ABCB7: variants seen among roughly 807,000 people sequenced by gnomAD.
ABCB7 encodes the protein ATP binding cassette subfamily B member 7.
ABCB7 carries 7 observed loss-of-function variants against 54.4 expected under a neutral mutation model. That is an observed-to-expected ratio of 0.13 (90% confidence interval 0.07 to 0.24). The LOEUF (loss-of-function observed/expected upper bound fraction) is 0.24, where lower values mean the gene tolerates loss of function less well. ABCB7 is among the 10% of genes least tolerant of loss of function. ABCB7 has a pLI of 1.00. For synonymous variants in ABCB7, 218 were observed against 207.1 expected, an observed-to-expected ratio of 1.05 and a Z score of -0.45; for missense variants, 356 against 570.4, an observed-to-expected ratio of 0.62 and a Z score of 3.83.
chrX:75,111,361 C>T (rs1305962833), intron 3 of ABCB7, among the ~76,000 whole-genome samples: 1 of 111,949 alleles, frequency 8.9e-6, no homozygotes, highest in Non-Finnish European at 1.9e-5. Context: ...ACAACAGCAG[C>T]TAAAATTTAT....
At chrX:75,063,362 C>A (rs2147453463) in intron 13 of ABCB7, among the ~76,000 whole-genome samples, 1 of 110,763 alleles carries the variant, frequency 9.0e-6, no homozygotes, top group East Asian at 2.8e-4. Context: ...TTATACATTA[C>A]CAATATCTGA....
chrX:75,067,366 T>A (rs1461867907), intron 12 of ABCB7, among the ~76,000 whole-genome samples: 2 of 112,337 alleles, frequency 1.8e-5, no homozygotes, highest in African/African-American at 6.5e-5. Context: ...ATTGTTACAA[T>A]GCCCAAAAGA....
intron 1 of ABCB7, among the ~76,000 whole-genome samples, chrX:75,145,587 T>C (rs1473706809): frequency 9.0e-6 from 1 of 111,684 alleles, no homozygotes; most frequent in Non-Finnish European, 1.9e-5. Context: ...CCTCAAAATA[T>C]GAAGAGCCGT....
Position 75,114,810 on chromosome X carries a change from T to C in ABCB7, c.190A>G (p.Ile64Val). The change falls in exon 2 of 16, where the codon ATC (isoleucine) becomes GTC (valine). Residue 64 changes from isoleucine (I) to valine (V), a missense_variant. Transcript: ENST00000373394. ...CCTTTTCCCAATCTCTGCCATGTGATACTTTTTAATGACTCTGGAATCTGC... is the reference window on the plus strand; with the variant it reads ...CCTTTTCCCAATCTCTGCCATGTGACACTTTTTAATGACTCTGGAATCTGC... ...AYQIPESLKS[I>V]TWQRLGKGNS... 1 of 1,200,208 alleles carries C rather than the reference T, an allele frequency of 8.3e-7. No individual in the cohort carries two copies. The highest frequency in any genetic ancestry group is 1.1e-6 in the Non-Finnish European group (1 of 887,833).
intron 1 of ABCB7, among the ~76,000 whole-genome samples, chrX:75,116,466 C>T (rs917115493): frequency 1.8e-5 from 2 of 111,273 alleles, no homozygotes; most frequent in African/African-American, 6.5e-5. Flanking sequence ...CTTTAGTTTG[C>T]AACTCCAATC....
intron 3 of ABCB7, among the ~76,000 whole-genome samples, chrX:75,104,712 T>C (rs1199056070): frequency 4.5e-5 from 5 of 110,912 alleles, no homozygotes; most frequent in Non-Finnish European, 9.5e-5. Context: ...AGCATTACCC[T>C]AAAACCAAAA....
intron 3 of ABCB7, 136 bp downstream of exon 3, chrX:75,112,750 G>GTT (rs4148838): frequency 0.054 from 17,525 of 324,621 alleles, no homozygotes; most frequent in East Asian, 0.067. Flanking sequence ...CAATTAATAT[G>GTT]TTTTTTTTTT....
At chrX:75,061,757 TA>T (rs1433762985) in intron 14 of ABCB7, among the ~76,000 whole-genome samples, 1 of 112,335 alleles carries the variant, frequency 8.9e-6, no homozygotes, top group Non-Finnish European at 1.9e-5. Flanking sequence ...AAGATGTTGC[TA>T]TAAAATCTAA....
intron 1 of ABCB7, among the ~76,000 whole-genome samples, chrX:75,128,499 C>T (rs1298342683): frequency 8.9e-6 from 1 of 111,780 alleles, no homozygotes; most frequent in Non-Finnish European, 1.9e-5. Flanking sequence ...GAAATCCCTA[C>T]AAGAAAACCT....
intron 1 of ABCB7, among the ~76,000 whole-genome samples, chrX:75,122,686 C>A (rs2081890182): frequency 8.9e-6 from 1 of 112,265 alleles, no homozygotes; most frequent in Non-Finnish European, 1.9e-5. Flanking sequence ...CACTTGTTAT[C>A]TCTTATCTTT....
chrX:75,055,209 C>T (rs1323408007), intron 15 of ABCB7, among the ~76,000 whole-genome samples: 1 of 110,659 alleles, frequency 9.0e-6, no homozygotes, highest in Non-Finnish European at 1.9e-5. Context: ...TATGCTTCTC[C>T]TAGTTTGGCA....
chrX:75,089,917 T>C (rs933350410), intron 4 of ABCB7, among the ~76,000 whole-genome samples: 4 of 110,586 alleles, frequency 3.6e-5, no homozygotes, highest in Admixed American at 9.6e-5. Context: ...ACCTTAACCC[T>C]TATCAAAGCT....
intron 3 of ABCB7, among the ~76,000 whole-genome samples, chrX:75,100,352 T>C (rs183680559): frequency 4.3e-4 from 48 of 111,052 alleles, no homozygotes; most frequent in African/African-American, 1.5e-3. Flanking sequence ...ATCTGTAACA[T>C]GGCTTATAAG....
intron 1 of ABCB7, among the ~76,000 whole-genome samples, chrX:75,115,797 G>GC (rs373979204): frequency 9.4e-6 from 1 of 106,316 alleles, no homozygotes; most frequent in Admixed American, 1.0e-4. Context: ...GGGGGGGGGG[G>GC]CACGGGGCAG....
At chrX:75,075,854 C>T (rs1189839603) in intron 5 of ABCB7, among the ~76,000 whole-genome samples, 1 of 111,987 alleles carries the variant, frequency 8.9e-6, no homozygotes, top group African/African-American at 3.2e-5. Flanking sequence ...AGGTTTCAGA[C>T]ATTAAAAGAT....
intron 4 of ABCB7, among the ~76,000 whole-genome samples, chrX:75,085,812 G>A (rs1282447675): frequency 9.1e-6 from 1 of 109,903 alleles, no homozygotes; most frequent in Non-Finnish European, 1.9e-5. Context: ...TGACTGCAAT[G>A]TGCACACTAA....
At chrX:75,064,773 A>G (rs2081305189) in intron 13 of ABCB7, among the ~76,000 whole-genome samples, 1 of 111,113 alleles carries the variant, frequency 9.0e-6, no homozygotes, top group South Asian at 3.9e-4. Flanking sequence ...TTTATCATGA[A>G]GATTGTAGAT....
At chrX:75,114,635 T>A in intron 2 of ABCB7, 119 bp downstream of exon 2, 1 of 542,700 alleles carries the variant, frequency 1.8e-6, no homozygotes, top group South Asian at 2.6e-5. Context: ...TTATTCATCT[T>A]GTCAGCATTT....
At chrX:75,120,797 G>C (rs1293650907) in intron 1 of ABCB7, among the ~76,000 whole-genome samples, 1 of 110,002 alleles carries the variant, frequency 9.1e-6, no homozygotes, top group Non-Finnish European at 1.9e-5. Flanking sequence ...TTCCTGTGCA[G>C]GGTTCCTAAC....
Sources: gnomAD v4.1 joint callset for allele counts (sites outside exome capture counted in the v4.1 genomes callset) on GRCh38, gnomAD v4.1.1 for gene constraint, MANE v1.5 for transcripts, NCBI Gene and HGNC (gene_info 2026-07-23, HGNC 2026-07-21) for gene names.